The following AMBRA1 variants were observed in gnomAD, a reference collection of about 807,000 sequenced individuals.
AMBRA1 encodes activating molecule in BECN1-regulated autophagy protein 1.
Under a neutral mutation model 125.4 loss-of-function variants are expected in AMBRA1, and 47 were observed. That is an observed-to-expected ratio of 0.37 (90% CI 0.30 to 0.48). AMBRA1 has a LOEUF of 0.48. AMBRA1 is among the 20% of genes least tolerant of loss of function. The pLI is 0.99. For missense variants in AMBRA1, 1,331 were observed against 1,693.4 expected, an observed-to-expected ratio of 0.79 and a Z score of 3.76; for synonymous variants, 626 against 655.5, an observed-to-expected ratio of 0.95 and a Z score of 0.69.
At chr11:46,593,138 G>A (rs1376491655) in intron 1 of AMBRA1, among the ~76,000 whole-genome samples, 1 of 152,194 alleles carries the variant, frequency 6.6e-6, no homozygotes, top group Non-Finnish European at 1.5e-5. Flanking sequence ...GAAGCCTCTT[G>A]TGACAGGATC....
intron 11 of AMBRA1, among the ~76,000 whole-genome samples, chr11:46,453,216 C>T (rs182122543): frequency 7.9e-5 from 12 of 152,144 alleles, no homozygotes; most frequent in Admixed American, 7.2e-4. Flanking sequence ...CTCAGCATAA[C>T]ATTTTCAAAG....
chr11:46,509,374 T>C (rs545405421), intron 8 of AMBRA1, among the ~76,000 whole-genome samples: 6 of 152,332 alleles, frequency 3.9e-5, no homozygotes, highest in African/African-American at 1.2e-4. Flanking sequence ...TTTTCTATGA[T>C]AATATTAAAT....
intron 11 of AMBRA1, among the ~76,000 whole-genome samples, chr11:46,466,380 G>A (rs1487019890): frequency 6.6e-6 from 1 of 151,698 alleles, no homozygotes; most frequent in African/African-American, 2.4e-5. Flanking sequence ...AGTATCTAAC[G>A]AGGAGACCAA....
intron 17 of AMBRA1, among the ~76,000 whole-genome samples, chr11:46,404,941 CCTGCT>C (rs1207196964): frequency 6.6e-6 from 1 of 152,154 alleles, no homozygotes; most frequent in Non-Finnish European, 1.5e-5. Context: ...GGTGGCAGCT[CCTGCT>C]CCCAGAGCCC....
chr11:46,542,034 G>A lies in AMBRA1; in HGVS notation c.1983C>T (p.Tyr661=). 2 of 1,614,080 alleles carry A rather than the reference G, an allele frequency of 1.2e-6. No individual in the cohort carries two copies. Among genetic ancestry groups the A allele is most frequent in the Admixed American group, 1.7e-5 (1 of 60,002 alleles). ...CAGTTCCAGATCTGCTGGACTGGGT[G>A]TAAATTCTTTCCCAGTGGCCTGTCT... is the stretch of plus-strand genomic sequence containing the variant. ...NQETGHWERI[Y]TQSSRSGTVS... The change falls in exon 7 of 18, where the codon TAC becomes TAT. Residue 661 remains tyrosine (Y), a synonymous_variant. Transcript: ENST00000683756. This position sits in a 1 kb window ranked among gnomAD's most constrained non-coding sequence, Gnocchi z 5.9.
chr11:46,581,798 A>T (rs899846943), intron 1 of AMBRA1, among the ~76,000 whole-genome samples: 883 of 64,646 alleles, frequency 0.014, 8 homozygotes, highest in African/African-American at 0.13. Flanking sequence ...AAACTCCATC[A>T]AAAAAAAAAA....
intron 1 of AMBRA1, among the ~76,000 whole-genome samples, chr11:46,566,192 G>A (rs1301143059): frequency 1.3e-5 from 2 of 152,178 alleles, no homozygotes; most frequent in Admixed American, 1.3e-4. Context: ...GCTGAGGAGG[G>A]TGGATCACCT....
intron 11 of AMBRA1, among the ~76,000 whole-genome samples, chr11:46,480,424 T>C (rs1223298223): frequency 6.6e-6 from 1 of 151,966 alleles, no homozygotes; most frequent in Non-Finnish European, 1.5e-5. Flanking sequence ...ACAAGAAATG[T>C]CTTATGCCAC....
intron 12 of AMBRA1, among the ~76,000 whole-genome samples, chr11:46,437,823 A>C (rs1947801517): frequency 1.3e-5 from 2 of 152,216 alleles, no homozygotes; most frequent in African/African-American, 4.8e-5. Context: ...GGTAGAGAGA[A>C]AAGGGAGAAG....
intron 15 of AMBRA1, among the ~76,000 whole-genome samples, chr11:46,415,376 T>C (rs547516043): frequency 8.8e-4 from 134 of 152,334 alleles, no homozygotes; most frequent in African/African-American, 3.2e-3. Flanking sequence ...AGTATGTGTG[T>C]GTTATTGTGG....
At chr11:46,499,709 T>C (rs1950763633) in intron 9 of AMBRA1, among the ~76,000 whole-genome samples, 1 of 151,840 alleles carries the variant, frequency 6.6e-6, no homozygotes, top group Non-Finnish European at 1.5e-5. Context: ...CAGGCTGGAG[T>C]GTAGTGGTGC....
At chr11:46,430,729 C>T (rs1030077737) in intron 14 of AMBRA1, among the ~76,000 whole-genome samples, 1 of 152,164 alleles carries the variant, frequency 6.6e-6, no homozygotes, top group African/African-American at 2.4e-5. Flanking sequence ...TGGCCCAACA[C>T]ATTTGCCTCT....
At chr11:46,497,303 G>T (rs1950670000) in intron 9 of AMBRA1, among the ~76,000 whole-genome samples, 1 of 152,086 alleles carries the variant, frequency 6.6e-6, no homozygotes. Context: ...AGGAAAACAA[G>T]AATGAGATCA....
At chr11:46,486,543 T>C (rs983572885) in intron 11 of AMBRA1, among the ~76,000 whole-genome samples, 1 of 152,162 alleles carries the variant, frequency 6.6e-6, no homozygotes, top group Admixed American at 6.5e-5. Flanking sequence ...AAAGTCCTCC[T>C]GAAAGTAATT....
chr11:46,422,880 T>C (rs920175120), intron 14 of AMBRA1, among the ~76,000 whole-genome samples: 30 of 152,082 alleles, frequency 2.0e-4, no homozygotes, highest in Admixed American at 1.8e-3. Flanking sequence ...TTTAAGACAA[T>C]GGAAGCTGGC....
intron 1 of AMBRA1, among the ~76,000 whole-genome samples, chr11:46,565,142 A>G (rs1405013524): frequency 6.6e-6 from 1 of 151,736 alleles, no homozygotes; most frequent in African/African-American, 2.4e-5. Context: ...CTGTAGTTCC[A>G]GTTACTCAGG....
chr11:46,550,708 C>T (rs1290577936), intron 1 of AMBRA1, among the ~76,000 whole-genome samples: 1 of 151,890 alleles, frequency 6.6e-6, no homozygotes, highest in Non-Finnish European at 1.5e-5. Context: ...CTTACAATAG[C>T]AAAAACTGAG....
intron 14 of AMBRA1, among the ~76,000 whole-genome samples, chr11:46,422,713 G>A (rs1565141322): frequency 6.6e-6 from 1 of 151,930 alleles, no homozygotes; most frequent in South Asian, 2.1e-4. Flanking sequence ...ACTCAGACGA[G>A]TAGTTCAAGC....
At chr11:46,438,707 G>A (rs1480218177) in intron 12 of AMBRA1, among the ~76,000 whole-genome samples, 2 of 152,002 alleles carry the variant, frequency 1.3e-5, no homozygotes, top group Non-Finnish European at 2.9e-5. Context: ...TCATCCGCCG[G>A]GTTTCTTAAG....
Sources: gnomAD v4.1 joint callset for allele counts (sites outside exome capture counted in the v4.1 genomes callset) on GRCh38, gnomAD v4.1.1 for gene constraint, Gnocchi (gnomAD v3.1) non-coding constraint, MANE v1.5 for transcripts, NCBI Gene and HGNC (gene_info 2026-07-23, HGNC 2026-07-21) for gene names.